SNX10: variants seen among roughly 807,000 people sequenced by gnomAD.
SNX10 encodes sorting nexin-10.
Under a neutral mutation model 28.5 loss-of-function variants are expected in SNX10, and 25 were observed. The ratio of observed to expected loss-of-function variants is 0.88; its 90% CI spans 0.64 to 1.22. The LOEUF is 1.22. Among genes scored for constraint, SNX10 ranks in the 50% most tolerant of loss-of-function variants. The pLI, the probability that SNX10 is intolerant of heterozygous loss-of-function variation, is 0.00. For synonymous variants in SNX10, 62 were observed against 81.4 expected (o/e 0.76, Z 1.28); for missense variants, 223 against 242.6 (o/e 0.92, Z 0.54).
At chr7:26,372,272 T>C in intron 6 of SNX10, 1 of 591,108 alleles carries the variant, frequency 1.7e-6, no homozygotes, top group South Asian at 2.1e-5. Flanking sequence ...GCATTCTGAT[T>C]ATGTGACTTT....
intron 1 of SNX10, among the ~76,000 whole-genome samples, chr7:26,310,940 C>T (rs537099149): frequency 1.5e-4 from 23 of 152,214 alleles, no homozygotes; most frequent in African/African-American, 5.3e-4. Flanking sequence ...ACCTCGGCCT[C>T]CCAAAGTGCT....
rs990121609 is a variant in SNX10 at position 26,351,903 on chromosome 7, G to A, written c.24+5437G>A. 2.4e-4 allele frequency among the ~76,000 whole-genome samples: 37 copies of A among 151,968 alleles called. 1 individual carries two copies. Among genetic ancestry groups the A allele is most frequent in the Admixed American group, 9.8e-4 (15 of 15,240 alleles). On this transcript the variant is annotated intron_variant, in intron 2 of 6. Transcript: ENST00000338523. ...GATCTCCTGACCTCGTGATCCGCCC[G>A]CCTCGGCCTCCCAAAGTGCTGGGAT...
chr7:26,331,802 A>G (rs1787761002), intron 1 of SNX10, among the ~76,000 whole-genome samples: 2 of 152,162 alleles, frequency 1.3e-5, no homozygotes, highest in African/African-American at 2.4e-5. Context: ...CCAGTAGTCT[A>G]TGTTCCATCT....
At chr7:26,358,994 T>C (rs1315205783) in intron 2 of SNX10, among the ~76,000 whole-genome samples, 1 of 151,620 alleles carries the variant, frequency 6.6e-6, no homozygotes, top group Admixed American at 6.6e-5. Context: ...TTAGTAGAGA[T>C]GGGGTTTCAC....
At chr7:26,324,500 C>T (rs1787427868) in intron 1 of SNX10, among the ~76,000 whole-genome samples, 1 of 152,154 alleles carries the variant, frequency 6.6e-6, no homozygotes, top group Non-Finnish European at 1.5e-5. Flanking sequence ...ACTGGGACTA[C>T]AGGTGCACAT....
intron 1 of SNX10, among the ~76,000 whole-genome samples, chr7:26,330,336 G>A (rs774999521): frequency 6.6e-6 from 1 of 152,102 alleles, no homozygotes; most frequent in Non-Finnish European, 1.5e-5. Context: ...ACATTCCTAG[G>A]TTCTAGGTAC....
At chr7:26,326,563 C>T (rs542018510) in intron 1 of SNX10, among the ~76,000 whole-genome samples, 2 of 152,276 alleles carry the variant, frequency 1.3e-5, no homozygotes, top group Admixed American at 6.5e-5. Context: ...CCAACTGGGA[C>T]ACCAGAGCAA....
intron 2 of SNX10, among the ~76,000 whole-genome samples, chr7:26,355,370 A>AT (rs915706192): frequency 6.6e-6 from 1 of 152,154 alleles, no homozygotes; most frequent in Non-Finnish European, 1.5e-5. Flanking sequence ...TCTTGCTGAG[A>AT]TTTTTTATAG....
Position 26,364,702 on chromosome 7 carries a change from TAAGA to T in SNX10, c.212+68_212+71del. On this transcript the variant is annotated intron_variant, in intron 4 of 6. Transcript: ENST00000338523. The surrounding 1 kb of genome is among the most constrained non-coding windows in gnomAD (Gnocchi z 4.9). The stretch of plus-strand genomic sequence containing the variant: ...TTCAGTATTTAAAATTGACGTTCAT[TAAGA>T]TATATAAGATATGAAGGATTTTTAT... 9.4e-7 allele frequency: 1 copy of T among 1,066,718 alleles called. No individual in the cohort carries two copies. The highest frequency in any genetic ancestry group is 1.6e-5 in the African/African-American group (1 of 62,444). 66.1% of individuals were successfully genotyped at this position (1,066,718 alleles called of 1,614,324 possible).
intron 1 of SNX10, among the ~76,000 whole-genome samples, chr7:26,339,431 G>A (rs1198267941): frequency 6.6e-6 from 1 of 151,822 alleles, no homozygotes; most frequent in African/African-American, 2.4e-5. Flanking sequence ...AAATTTATGG[G>A]GTTCAAGTGC....
rs540343515 is a variant in SNX10 at position 26,340,374 on chromosome 7, T to C, written c.-23-6046T>C. Among the ~76,000 whole-genome samples the C allele has an allele frequency of 7.9e-5, 12 of 152,290 alleles. 1 individual carries two copies. In the South Asian group the frequency reaches 2.5e-3, roughly 32 times the overall value. ...TGCCTTTTCACTATGCACTGCAGAC[T>C]TGAGTAGGAGATGCAGAGACCCTGT... On this transcript the variant is annotated intron_variant, in intron 1 of 6. Transcript: ENST00000338523.
At chr7:26,292,940 C>G (rs1178039245) in intron 1 of SNX10, 1 of 152,348 alleles carries the variant, frequency 6.6e-6, no homozygotes, top group Admixed American at 6.5e-5. Context: ...GGAGTTATGT[C>G]CACCTCTGGG....
chr7:26,313,303 C>T (rs114301307), intron 1 of SNX10, among the ~76,000 whole-genome samples: 22 of 152,322 alleles, frequency 1.4e-4, no homozygotes, highest in African/African-American at 4.6e-4. Context: ...GTATTGTTAG[C>T]CATAGGCGCA....
At chr7:26,316,473 T>G (rs1045824971) in intron 1 of SNX10, among the ~76,000 whole-genome samples, 11 of 152,178 alleles carry the variant, frequency 7.2e-5, no homozygotes, top group Admixed American at 2.0e-4. Context: ...ATTTCCACAC[T>G]CATCTTCACT....
chr7:26,294,186 A>T (rs994708001), intron 1 of SNX10, among the ~76,000 whole-genome samples: 9 of 152,304 alleles, frequency 5.9e-5, no homozygotes, highest in African/African-American at 2.2e-4. Flanking sequence ...CCCCAAATTT[A>T]GCATTGTTAT....
intron 1 of SNX10, among the ~76,000 whole-genome samples, chr7:26,322,478 T>C (rs569338204): frequency 6.6e-6 from 1 of 152,346 alleles, no homozygotes; most frequent in South Asian, 2.1e-4. Flanking sequence ...GCATTGTCTT[T>C]CTTTTCCCCA....
At chr7:26,300,687 A>G (rs973559798) in intron 1 of SNX10, among the ~76,000 whole-genome samples, 1 of 152,116 alleles carries the variant, frequency 6.6e-6, no homozygotes, top group African/African-American at 2.4e-5. Context: ...CTTAATTCAG[A>G]AGGGTGATTT....
intron 1 of SNX10, among the ~76,000 whole-genome samples, chr7:26,326,456 C>T (rs190097275): frequency 1.3e-5 from 2 of 152,214 alleles, no homozygotes; most frequent in Non-Finnish European, 2.9e-5. Flanking sequence ...CTTGCATCTT[C>T]TTGCCTCCCT....
intron 1 of SNX10, among the ~76,000 whole-genome samples, chr7:26,321,668 A>C (rs1787312496): frequency 6.6e-6 from 1 of 152,150 alleles, no homozygotes; most frequent in Admixed American, 6.5e-5. Context: ...AATGAATCAC[A>C]TGCCAGGAGG....
Sources: allele counts gnomAD v4.1 joint callset (sites outside exome capture counted in the v4.1 genomes callset), GRCh38; gene constraint gnomAD v4.1.1; non-coding constraint Gnocchi (gnomAD v3.1); transcripts MANE v1.5; gene names NCBI Gene and HGNC (gene_info 2026-07-23, HGNC 2026-07-21).